PCNX2: variants seen among roughly 807,000 people sequenced by gnomAD.
The protein encoded by PCNX2 is pecanex-like protein 2.
PCNX2 carries 168 observed loss-of-function variants against 223.8 expected under a neutral mutation model. The ratio of observed to expected loss-of-function variants is 0.75; its 90% CI spans 0.66 to 0.85. The LOEUF (loss-of-function observed/expected upper bound fraction) is 0.85. PCNX2 is among the 40% of genes least tolerant of loss of function. The pLI, the probability that PCNX2 is intolerant of heterozygous loss-of-function variation, is 0.00. For synonymous variants in PCNX2, 1,006 were observed against 1,052.6 expected, an observed-to-expected ratio of 0.96 and a Z score of 0.86; for missense variants, 2,507 against 2,675.5, an observed-to-expected ratio of 0.94 and a Z score of 1.39.
chr1:233,002,491 T>C (rs1670123942), intron 28 of PCNX2, among the ~76,000 whole-genome samples: 1 of 152,104 alleles, frequency 6.6e-6, no homozygotes, highest in South Asian at 2.1e-4. Context: ...AAACCACTGC[T>C]TAAGGAAATA....
At chr1:233,130,401 C>T (rs919412573) in intron 21 of PCNX2, among the ~76,000 whole-genome samples, 58 of 151,950 alleles carry the variant, frequency 3.8e-4, no homozygotes, top group African/African-American at 1.1e-3. Context: ...TCTCGATACA[C>T]GGCTGCACTT....
intron 1 of PCNX2, among the ~76,000 whole-genome samples, chr1:233,271,390 C>A (rs1160706601): frequency 6.6e-6 from 1 of 152,040 alleles, no homozygotes; most frequent in East Asian, 1.9e-4. Flanking sequence ...TTTGGCTTGA[C>A]AAAGTCAAAA....
chr1:233,233,081 A>G (rs926358406), intron 9 of PCNX2: 1 of 943,758 alleles, frequency 1.1e-6, no homozygotes, highest in African/African-American at 1.8e-5. Flanking sequence ...CCTCTCAACC[A>G]GCAGTGTAAT....
intron 1 of PCNX2, chr1:233,285,021 C>T: frequency 2.0e-6 from 2 of 985,162 alleles, no homozygotes; most frequent in South Asian, 9.4e-5. Context: ...TAACCATACC[C>T]CTGACATCCC....
intron 9 of PCNX2, among the ~76,000 whole-genome samples, chr1:233,227,855 A>G (rs1657839279): frequency 6.6e-6 from 1 of 152,204 alleles, no homozygotes; most frequent in African/African-American, 2.4e-5. Flanking sequence ...AAAAACTGAA[A>G]TATTTATTGA....
the PCNX2 span, among the ~76,000 whole-genome samples, chr1:233,301,998 G>T: frequency 3.3e-5 from 5 of 152,032 alleles, no homozygotes; most frequent in African/African-American, 1.2e-4. Context: ...AGGTTTCCAT[G>T]TTGGCCAGGC....
intron 26 of PCNX2, among the ~76,000 whole-genome samples, chr1:233,022,363 G>T (rs1221447057): frequency 2.0e-5 from 3 of 152,220 alleles, no homozygotes; most frequent in Non-Finnish European, 4.4e-5. Flanking sequence ...TGGCTTCTCT[G>T]TTTAGGGAAC....
intron 19 of PCNX2, among the ~76,000 whole-genome samples, chr1:233,148,450 T>C (rs191831316): frequency 5.1e-4 from 78 of 151,972 alleles, no homozygotes; most frequent in Middle Eastern, 3.4e-3. Flanking sequence ...TTTTGTTTTT[T>C]GAGATGGAGT....
chr1:233,170,006 A>G (rs1240230773), intron 17 of PCNX2, among the ~76,000 whole-genome samples: 1 of 152,180 alleles, frequency 6.6e-6, no homozygotes, highest in Non-Finnish European at 1.5e-5. Flanking sequence ...TTTGCTCAAC[A>G]TTACGTGGTT....
chr1:233,186,402 G>C (rs930389872), intron 15 of PCNX2, among the ~76,000 whole-genome samples: 1 of 152,026 alleles, frequency 6.6e-6, no homozygotes, highest in Admixed American at 6.6e-5. Context: ...GGAAAGATGT[G>C]TCACCCAGTC....
intron 25 of PCNX2, chr1:233,047,458 T>C: frequency 4.3e-6 from 4 of 929,524 alleles, no homozygotes; most frequent in Non-Finnish European, 5.1e-6. Flanking sequence ...TGACAGAAAC[T>C]ACAACTCATA....
chr1:233,001,777 C>T lies in PCNX2; in HGVS notation c.4953-96G>A. On this transcript the variant is annotated intron_variant, in intron 28 of 33. Coordinates refer to ENST00000258229, the MANE Select transcript of PCNX2 (RefSeq NM_014801.4). This position sits in a 1 kb window ranked among gnomAD's most constrained non-coding sequence, Gnocchi z 4.2. ...CCCATTTGTCTAAGAATTATCTTAA[C>T]ATTTAGGCTGATATAGCAAGAAAAT... is the stretch of plus-strand genomic sequence containing the variant. 8.4e-7 allele frequency: 1 copy of T among 1,195,088 alleles called. No individual in the cohort carries two copies. The highest frequency in any genetic ancestry group is 1.1e-6 in the Non-Finnish European group (1 of 906,566). 74.0% of individuals were successfully genotyped at this position (1,195,088 alleles called of 1,614,324 possible).
intron 23 of PCNX2, among the ~76,000 whole-genome samples, chr1:233,066,742 G>C (rs1672626838): frequency 1.3e-5 from 2 of 152,202 alleles, no homozygotes; most frequent in South Asian, 4.1e-4. Flanking sequence ...AGAATCCTGT[G>C]TCACCAGCAA....
chr1:233,079,208 T>C (rs1337993034), intron 23 of PCNX2, among the ~76,000 whole-genome samples: 1 of 152,168 alleles, frequency 6.6e-6, no homozygotes, highest in South Asian at 2.1e-4. Context: ...AATAAAGGTA[T>C]GCTTTTGCGC....
intron 10 of PCNX2, among the ~76,000 whole-genome samples, chr1:233,226,979 T>C (rs1479050812): frequency 6.6e-6 from 1 of 152,184 alleles, no homozygotes; most frequent in Non-Finnish European, 1.5e-5. Context: ...TCTCATTATC[T>C]CTTATTATTA....
chr1:233,223,259 G>GA (rs1406581386), intron 10 of PCNX2, among the ~76,000 whole-genome samples: 1 of 152,130 alleles, frequency 6.6e-6, no homozygotes, highest in Non-Finnish European at 1.5e-5. Flanking sequence ...GAAAAAGATG[G>GA]AATCAACGGT....
chr1:233,207,360 T>C (rs967167482), intron 13 of PCNX2, among the ~76,000 whole-genome samples: 1 of 152,182 alleles, frequency 6.6e-6, no homozygotes, highest in East Asian at 1.9e-4. Context: ...GATTTCCAGC[T>C]GGCAAGCGAG....
chr1:233,144,649 T>C (rs1216517461), intron 19 of PCNX2, among the ~76,000 whole-genome samples: 1 of 152,250 alleles, frequency 6.6e-6, no homozygotes, highest in Non-Finnish European at 1.5e-5. Context: ...AGTATCTTTT[T>C]ACATGTTTAC....
At chr1:233,233,591 C>T (rs1034519959) in intron 9 of PCNX2, among the ~76,000 whole-genome samples, 1 of 151,994 alleles carries the variant, frequency 6.6e-6, no homozygotes, top group Non-Finnish European at 1.5e-5. Flanking sequence ...GACAAGTCTT[C>T]CTCTGGCCTT....
Sources: gnomAD v4.1 joint callset for allele counts (sites outside exome capture counted in the v4.1 genomes callset) on GRCh38, gnomAD v4.1.1 for gene constraint, Gnocchi (gnomAD v3.1) non-coding constraint, MANE v1.5 for transcripts, NCBI Gene and HGNC (gene_info 2026-07-23, HGNC 2026-07-21) for gene names.